The following CACNA1C variants were observed in gnomAD, a reference collection of about 807,000 sequenced individuals.
CACNA1C encodes the protein voltage-dependent L-type calcium channel subunit alpha-1C.
A neutral mutation model predicts 229.0 loss-of-function variants in CACNA1C; 30 were observed. The observed-to-expected ratio is 0.13, with a 90% CI of 0.10 to 0.18. The LOEUF (loss-of-function observed/expected upper bound fraction) is 0.18, where lower values mean the gene tolerates loss of function less well. CACNA1C is among the 10% of genes least tolerant of loss of function. The probability of loss-of-function intolerance (pLI) is 1.00; values close to 1 mark genes in which losing one functional copy is unlikely to be tolerated. For missense variants in CACNA1C, 1,658 were observed against 2,845.0 expected, an observed-to-expected ratio of 0.58 and a Z score of 9.49; for synonymous variants, 1,114 against 1,132.5, an observed-to-expected ratio of 0.98 and a Z score of 0.33.
intron 13 of CACNA1C, among the ~76,000 whole-genome samples, chr12:2,574,414 T>G (rs2154594139): frequency 6.6e-6 from 1 of 152,348 alleles, no homozygotes; most frequent in Middle Eastern, 3.4e-3. Context: ...GCATCTCATT[T>G]TTGACACACT....
chr12:2,041,624 C>A (rs1028606041), intron 1 of CACNA1C, among the ~76,000 whole-genome samples: 4 of 152,130 alleles, frequency 2.6e-5, no homozygotes, highest in African/African-American at 9.7e-5. Context: ...CCACAGGACA[C>A]CTTGCTTGCT....
chr12:2,320,206 T>G (rs758661224), intron 3 of CACNA1C, among the ~76,000 whole-genome samples: 14 of 152,172 alleles, frequency 9.2e-5, no homozygotes, highest in Non-Finnish European at 1.9e-4. Flanking sequence ...CATGAAAATC[T>G]TGGACTTCAG....
rs7315556 is a variant in CACNA1C at position 2,664,689 on chromosome 12, G to A, written c.4233-136G>A. 392,350 of 598,060 alleles carry A rather than the reference G, an allele frequency of 0.66. 136,222 individuals carry two copies. Among genetic ancestry groups the A allele is most frequent in the Non-Finnish European group, 0.72 (262,071 of 363,866 alleles). The allele number at this position is 598,060 out of a possible 1,614,324, so 37.0% of individuals were successfully genotyped here. Reference sequence around the variant, plus strand: ...TTAGCAAATATATCAGAGCATTCAGGGAATGATGAACATCAAGTTCATTTT... The same window carrying A: ...TTAGCAAATATATCAGAGCATTCAGAGAATGATGAACATCAAGTTCATTTT... On this transcript the variant is annotated intron_variant, in intron 34 of 46. Coordinates refer to ENST00000399655, the MANE Select transcript of CACNA1C (RefSeq NM_000719.7).
intron 1 of CACNA1C, among the ~76,000 whole-genome samples, chr12:2,037,733 A>G (rs1189868370): frequency 6.6e-6 from 1 of 152,210 alleles, no homozygotes; most frequent in South Asian, 2.1e-4. Context: ...TGCCTTCTAT[A>G]TAACCCTCAC....
intron 3 of CACNA1C, among the ~76,000 whole-genome samples, chr12:2,428,801 G>T (rs931006264): frequency 3.3e-5 from 5 of 152,298 alleles, no homozygotes; most frequent in Middle Eastern, 3.4e-3. Flanking sequence ...ACTTTGCAGC[G>T]GGAAACCAAG....
Position 2,632,942 on chromosome 12 carries a change from C to A in CACNA1C, c.3829-1355C>A, listed in dbSNP as rs1213148925. 1.3e-5 allele frequency among the ~76,000 whole-genome samples: 2 copies of A among 152,172 alleles called. No individual in the cohort carries two copies. Among genetic ancestry groups the A allele is most frequent in the East Asian group, 3.9e-4 (2 of 5,190 alleles). On this transcript the variant is annotated intron_variant, in intron 29 of 46. Coordinates refer to ENST00000399655, the MANE Select transcript of CACNA1C (RefSeq NM_000719.7). This position sits in a 1 kb window ranked among gnomAD's most constrained non-coding sequence, Gnocchi z 4.1. ...AAAGTCTTTGCCAGGGTTGGAACTGCCCCTGGAAACACTGGGGCACCCAGT... is the reference window on the plus strand; with the variant it reads ...AAAGTCTTTGCCAGGGTTGGAACTGACCCTGGAAACACTGGGGCACCCAGT...
In CACNA1C at chr12:2,679,794, C is replaced by T. The variant is rs1051978823; in HGVS notation, c.5442C>T (p.Asn1814=). The T allele has an allele frequency of 1.9e-6, 3 of 1,556,128 alleles. No individual in the cohort carries two copies. The highest frequency in any genetic ancestry group is 3.8e-5 in the Admixed American group (2 of 52,302). Residue 1814 remains asparagine, a splice_region_variant and synonymous_variant, in exon 42 of 47, where the codon AAC becomes AAT. Coordinates refer to ENST00000399655, the MANE Select transcript of CACNA1C (RefSeq NM_000719.7). This position sits in a 1 kb window ranked among gnomAD's most constrained non-coding sequence, Gnocchi z 5.5. ...AGGTGGCGTGGAAGCTCAGCTCCAA[C>T]AGGTAAGTGGGAGGCTGGCCACCCC... ...VQEVAWKLSS[N]RCHSRESQAA...
intron 1 of CACNA1C, among the ~76,000 whole-genome samples, chr12:2,065,148 A>G (rs1008589681): frequency 4.6e-5 from 7 of 152,198 alleles, no homozygotes; most frequent in African/African-American, 7.2e-5. Flanking sequence ...TTCTGTTGCC[A>G]TATCTGGCTG....
intron 7 of CACNA1C, among the ~76,000 whole-genome samples, chr12:2,501,207 C>T (rs2099759105): frequency 2.3e-5 from 1 of 43,148 alleles, no homozygotes; most frequent in Non-Finnish European, 3.6e-5. Flanking sequence ...GAGACTCCAC[C>T]TCAAAAAAAA....
In CACNA1C at chr12:2,626,835, G is replaced by A. The variant is rs141914893; in HGVS notation, c.3829-7462G>A. On this transcript the variant is annotated intron_variant, in intron 29 of 46. Transcript: ENST00000399655. ...GCTTCAGGAGGGCTGATTCATATTC[G>A]TATGCCCAAGCCTTGCATAGTTACA... is the stretch of plus-strand genomic sequence containing the variant. Among the ~76,000 whole-genome samples, 5 of 152,240 alleles carry A rather than the reference G, an allele frequency of 3.3e-5. No individual in the cohort carries two copies. In the East Asian group the frequency reaches 5.8e-4, roughly 18 times the overall value.
intron 1 of CACNA1C, among the ~76,000 whole-genome samples, chr12:2,079,827 G>A (rs1182318849): frequency 6.6e-6 from 1 of 152,136 alleles, no homozygotes; most frequent in Non-Finnish European, 1.5e-5. Flanking sequence ...TATAAAATAA[G>A]CAGTCCAGGC....
intron 3 of CACNA1C, among the ~76,000 whole-genome samples, chr12:2,177,751 C>T (rs556999038): frequency 6.6e-6 from 1 of 152,112 alleles, no homozygotes; most frequent in Non-Finnish European, 1.5e-5. Context: ...ATTCTCCTGC[C>T]TCTGCCTCCC....
At chr12:2,170,708 G>T (rs1403079318) in intron 3 of CACNA1C, among the ~76,000 whole-genome samples, 2 of 152,248 alleles carry the variant, frequency 1.3e-5, no homozygotes, top group Non-Finnish European at 2.9e-5. Context: ...GACCTGAGCT[G>T]TTTCCTTCTG....
In CACNA1C at chr12:2,398,449, G is replaced by T. The variant is rs190806226; in HGVS notation, c.478-50527G>T. On this transcript the variant is annotated intron_variant, in intron 3 of 46. Coordinates refer to ENST00000399655, the MANE Select transcript of CACNA1C (RefSeq NM_000719.7). ...GTGGAAGCAAAGGGCAGCATGGCTG[G>T]GTGGTGCTGAGTCGGGCAGAGCTCT... is the stretch of plus-strand genomic sequence containing the variant. Among the ~76,000 whole-genome samples the T allele has an allele frequency of 2.6e-4, 39 of 152,342 alleles. No individual in the cohort carries two copies. The East Asian group carries it at 6.9e-3, about 27-fold the overall frequency.
chr12:2,429,864 G>A (rs976868399), intron 3 of CACNA1C, among the ~76,000 whole-genome samples: 2 of 152,202 alleles, frequency 1.3e-5, no homozygotes, highest in Non-Finnish European at 2.9e-5. Context: ...CAGGCCAATT[G>A]TGGTGAGGAG....
At chr12:2,074,457 ACT>A (rs1447669230) in intron 1 of CACNA1C, among the ~76,000 whole-genome samples, 1 of 152,126 alleles carries the variant, frequency 6.6e-6, no homozygotes, top group African/African-American at 2.4e-5. Flanking sequence ...AGATGATCTG[ACT>A]TGCCGAAAGT....
rs1594111743 is a variant in CACNA1C at position 2,034,812 on chromosome 12, A to G, written c.139+63611A>G. Among the ~76,000 whole-genome samples the G allele has an allele frequency of 2.6e-5, 4 of 152,220 alleles. No individual in the cohort carries two copies. Among genetic ancestry groups the G allele is most frequent in the East Asian group, 3.8e-4 (2 of 5,204 alleles). ...CAGATAGTCCCTGTGCAAGGAATCTATAGATGGGAATGGGGAGAGACAGGC... is the reference window on the plus strand; with the variant it reads ...CAGATAGTCCCTGTGCAAGGAATCTGTAGATGGGAATGGGGAGAGACAGGC... On this transcript the variant is annotated intron_variant, in intron 1 of 46. Transcript: ENST00000682462. This position sits in a 1 kb window ranked among gnomAD's most constrained non-coding sequence, Gnocchi z 4.1.
At position 2,152,178 on chromosome 12, in the gene CACNA1C, C is replaced by T. The variant is rs996394414; in HGVS notation, c.477+31748C>T. 6.6e-6 allele frequency among the ~76,000 whole-genome samples: 1 copy of T among 152,198 alleles called. No individual in the cohort carries two copies. The highest frequency in any genetic ancestry group is 2.4e-5 in the African/African-American group (1 of 41,450). On this transcript the variant is annotated intron_variant, in intron 3 of 46. Coordinates refer to ENST00000399655, the MANE Select transcript of CACNA1C (RefSeq NM_000719.7). This position sits in a 1 kb window ranked among gnomAD's most constrained non-coding sequence, Gnocchi z 4.2. ...CACATTAATGTAGGGATTGTTCATA[C>T]AAAAGAGGGCAAAGATGCCACTTGT...
At chr12:1,989,493 C>G (rs1012831067) in intron 1 of CACNA1C, among the ~76,000 whole-genome samples, 1 of 152,214 alleles carries the variant, frequency 6.6e-6, no homozygotes, top group African/African-American at 2.4e-5. Context: ...GGTGGGTGAT[C>G]ACTTGAAGTC....
Sources: gnomAD v4.1 joint callset for allele counts (sites outside exome capture counted in the v4.1 genomes callset) on GRCh38, gnomAD v4.1.1 for gene constraint, Gnocchi (gnomAD v3.1) non-coding constraint, MANE v1.5 for transcripts, NCBI Gene and HGNC (gene_info 2026-07-23, HGNC 2026-07-21) for gene names.